TUSC3: variants seen among roughly 807,000 people sequenced by gnomAD.
The protein encoded by TUSC3 is dolichyl-diphosphooligosaccharide--protein glycosyltransferase subunit TUSC3.
TUSC3 carries 45 observed loss-of-function variants against 44.8 expected under a neutral mutation model. The ratio of observed to expected loss-of-function variants is 1.00; its 90% CI spans 0.79 to 1.29. The LOEUF (loss-of-function observed/expected upper bound fraction) is 1.29. TUSC3 is among the 50% of genes most tolerant of loss of function. TUSC3 has a pLI of 0.00. For synonymous variants in TUSC3, 212 were observed against 152.9 expected (o/e 1.39, Z -2.85); for missense variants, 519 against 437.9 (o/e 1.19, Z -1.65).
chr8:15,598,402 C>T (rs775045845), intron 1 of TUSC3, among the ~76,000 whole-genome samples: 1 of 151,922 alleles, frequency 6.6e-6, no homozygotes, highest in South Asian at 2.1e-4. Context: ...TCATCTCCAT[C>T]ATTATCAGTA....
chr8:15,566,212 C>G (rs1802665423), intron 1 of TUSC3, among the ~76,000 whole-genome samples: 1 of 152,086 alleles, frequency 6.6e-6, no homozygotes, highest in Admixed American at 6.5e-5. Flanking sequence ...TTTGCCATGA[C>G]TAGACTAAAA....
At chr8:15,786,620 C>T in the TUSC3 span, among the ~76,000 whole-genome samples, 34 of 152,054 alleles carry the variant, frequency 2.2e-4, no homozygotes, top group African/African-American at 7.7e-4. Context: ...CAGGTAGGCA[C>T]ACTTGAAATA....
chr8:15,791,280 C>A, the TUSC3 span, among the ~76,000 whole-genome samples: 2 of 115,470 alleles, frequency 1.7e-5, no homozygotes, highest in African/African-American at 3.0e-5. Context: ...CCCCCCCCAA[C>A]CCACGCACAA....
intron 2 of TUSC3, among the ~76,000 whole-genome samples, chr8:15,492,452 G>A (rs551878118): frequency 6.6e-6 from 1 of 152,176 alleles, no homozygotes; most frequent in Non-Finnish European, 1.5e-5. Flanking sequence ...TAGGGGGAAA[G>A]TCACAAATAT....
the TUSC3 span, among the ~76,000 whole-genome samples, chr8:15,826,651 C>A: frequency 6.6e-6 from 1 of 152,008 alleles, no homozygotes; most frequent in Non-Finnish European, 1.5e-5. Flanking sequence ...TGAGAAGAAG[C>A]GAATGCTATT....
At chr8:15,474,859 C>G (rs1346101207) in intron 1 of TUSC3, among the ~76,000 whole-genome samples, 6 of 152,172 alleles carry the variant, frequency 3.9e-5, no homozygotes, top group African/African-American at 1.4e-4. Context: ...CATCCCAACC[C>G]TGACCGTCTG....
intron 6 of TUSC3, among the ~76,000 whole-genome samples, chr8:15,698,587 C>T (rs1051634274): frequency 3.3e-5 from 5 of 152,030 alleles, no homozygotes; most frequent in African/African-American, 1.2e-4. Context: ...CTCTACAGCA[C>T]CTAAATTGTT....
intron 1 of TUSC3, among the ~76,000 whole-genome samples, chr8:15,582,643 G>T (rs1440723337): frequency 1.3e-5 from 2 of 152,180 alleles, no homozygotes; most frequent in Non-Finnish European, 2.9e-5. Context: ...CAAGAGGCTA[G>T]GGGGATAAAG....
chr8:15,704,904 A>G (rs1370439789), intron 6 of TUSC3, among the ~76,000 whole-genome samples: 5 of 151,892 alleles, frequency 3.3e-5, no homozygotes, highest in African/African-American at 1.2e-4. Flanking sequence ...ATCACAAAAC[A>G]GTTAGAACCC....
chr8:15,613,925 G>C (rs1456629888), intron 1 of TUSC3, among the ~76,000 whole-genome samples: 1 of 151,834 alleles, frequency 6.6e-6, no homozygotes. Flanking sequence ...TTAGGCCTTT[G>C]AGATCTAATT....
At chr8:15,602,519 G>A (rs113565537) in intron 1 of TUSC3, among the ~76,000 whole-genome samples, 23 of 151,698 alleles carry the variant, frequency 1.5e-4, no homozygotes, top group African/African-American at 5.3e-4. Flanking sequence ...AGGAAGTAAT[G>A]CAGAGCTGTG....
At chr8:15,417,392 A>G (rs1003748171) in intron 1 of TUSC3, 3 of 152,250 alleles carry the variant, frequency 2.0e-5, no homozygotes, top group African/African-American at 7.2e-5. Flanking sequence ...GATACAGAGA[A>G]TATCTAGGCA....
chr8:15,451,101 A>C (rs758195430), intron 1 of TUSC3, among the ~76,000 whole-genome samples: 4 of 152,196 alleles, frequency 2.6e-5, no homozygotes, highest in Non-Finnish European at 4.4e-5. Context: ...ATGACCCTGC[A>C]TCCTAGCTAC....
upstream of TUSC3, among the ~76,000 whole-genome samples, chr8:15,538,020 G>C (rs755139671): frequency 6.6e-6 from 1 of 152,060 alleles, no homozygotes. Flanking sequence ...TCTTATGTAC[G>C]CACATAGGAG....
the TUSC3 span, among the ~76,000 whole-genome samples, chr8:15,782,207 C>T: frequency 1.5e-4 from 23 of 152,288 alleles, no homozygotes; most frequent in Non-Finnish European, 2.1e-4. Flanking sequence ...TATGAGTAAA[C>T]TGGCCCTGTA....
chr8:15,451,997 G>T (rs1800201500), intron 1 of TUSC3, among the ~76,000 whole-genome samples: 1 of 152,140 alleles, frequency 6.6e-6, no homozygotes. Flanking sequence ...AGCCAAAAGA[G>T]TGATGATGTC....
At chr8:15,730,247 C>G (rs573585888) in intron 6 of TUSC3, among the ~76,000 whole-genome samples, 1 of 152,114 alleles carries the variant, frequency 6.6e-6, no homozygotes, top group South Asian at 2.1e-4. Context: ...AAAGCTGACT[C>G]CGTATTTTAA....
intron 2 of TUSC3, among the ~76,000 whole-genome samples, chr8:15,511,882 G>C (rs983009013): frequency 1.3e-5 from 2 of 151,518 alleles, no homozygotes; most frequent in Non-Finnish European, 2.9e-5. Context: ...AAAAAAAGAA[G>C]TACTAAATGA....
At chr8:15,788,033 C>T in the TUSC3 span, among the ~76,000 whole-genome samples, 2 of 152,114 alleles carry the variant, frequency 1.3e-5, no homozygotes, top group African/African-American at 2.4e-5. Flanking sequence ...TTTTCAAACT[C>T]CCTGAATGGT....
Sources: allele counts gnomAD v4.1 joint callset (sites outside exome capture counted in the v4.1 genomes callset), GRCh38; gene constraint gnomAD v4.1.1; transcripts MANE v1.5; gene names NCBI Gene and HGNC (gene_info 2026-07-23, HGNC 2026-07-21).